The following DYM variants were observed in gnomAD, a reference collection of about 807,000 sequenced individuals.
DYM encodes dymeclin, also known as dyggve-Melchior-Clausen syndrome protein.
In DYM, 78 loss-of-function variants were observed where a neutral mutation model predicts 93.1. That is an observed-to-expected ratio of 0.84 (90% confidence interval 0.70 to 1.01). DYM has a LOEUF of 1.01. Ranked by LOEUF, DYM falls within the 50% of genes least tolerant of loss-of-function variation. The pLI, the probability that DYM is intolerant of heterozygous loss-of-function variation, is 0.00. For missense variants in DYM, 789 were observed against 845.0 expected, an observed-to-expected ratio of 0.93 and a Z score of 0.82; for synonymous variants, 321 against 319.7, an observed-to-expected ratio of 1.00 and a Z score of -0.04.
chr18:49,094,137 T>C (rs2079335611), intron 17 of DYM, among the ~76,000 whole-genome samples: 1 of 152,180 alleles, frequency 6.6e-6, no homozygotes, highest in African/African-American at 2.4e-5. Context: ...CTAAATACAG[T>C]AAAATTCTTA....
At chr18:49,214,278 C>CT in intron 13 of DYM, among the ~76,000 whole-genome samples, 1 of 152,220 alleles carries the variant, frequency 6.6e-6, no homozygotes, top group East Asian at 1.9e-4. Flanking sequence ...ACCACCTGAG[C>CT]TCCGCCTCCT....
In DYM at chr18:49,246,092, T is replaced by C. The variant is rs140027837; in HGVS notation, c.1460+10918A>G. ...TTGTAAAGGAGGAAACTGAAGGACA[T>C]TGAACAAATGAACAAATTGTAAATG... On this transcript the variant is annotated intron_variant, in intron 13 of 17. Transcript: ENST00000675505. Among the ~76,000 whole-genome samples, 40 of 152,342 alleles carry C rather than the reference T, an allele frequency of 2.6e-4. 1 individual carries two copies. In the East Asian group the frequency reaches 3.3e-3, roughly 12 times the overall value.
At chr18:49,052,550 A>G (rs1027236360) in intron 17 of DYM, among the ~76,000 whole-genome samples, 1 of 152,246 alleles carries the variant, frequency 6.6e-6, no homozygotes, top group African/African-American at 2.4e-5. Context: ...CCCTTTGTAG[A>G]GAACAATGAT....
chr18:49,054,977 T>C (rs76914967), intron 17 of DYM, among the ~76,000 whole-genome samples: 3 of 152,320 alleles, frequency 2.0e-5, no homozygotes, highest in South Asian at 4.1e-4. Context: ...TGAGCAAATG[T>C]CCCTGGTAGG....
At chr18:49,360,670 T>C (rs1028995568) in intron 6 of DYM, among the ~76,000 whole-genome samples, 9 of 151,376 alleles carry the variant, frequency 5.9e-5, no homozygotes, top group African/African-American at 2.2e-4. Flanking sequence ...TAAAATTACA[T>C]CAGGAACACA....
intron 8 of DYM, among the ~76,000 whole-genome samples, chr18:49,317,577 CTCTCTCTCTCTCTCTCTCT>C (rs2062037800): frequency 1.7e-4 from 2 of 11,726 alleles, no homozygotes; most frequent in African/African-American, 6.7e-4. Context: ...CTCTCTCTCT[CTCTCTCTCTCTCTCTCTCT>C]CCCCCCTCCC....
intron 2 of DYM, among the ~76,000 whole-genome samples, chr18:49,398,052 T>C (rs972288141): frequency 6.6e-6 from 1 of 152,208 alleles, no homozygotes; most frequent in Non-Finnish European, 1.5e-5. Context: ...TTACTAACTA[T>C]AGTGAATATC....
intron 17 of DYM, among the ~76,000 whole-genome samples, chr18:49,051,046 A>G (rs1027768105): frequency 2.0e-5 from 3 of 152,250 alleles, no homozygotes; most frequent in African/African-American, 7.2e-5. Flanking sequence ...AAAAGAGGCC[A>G]CAGCAGTGAG....
At chr18:49,449,340 T>C (rs779276174) in intron 1 of DYM, among the ~76,000 whole-genome samples, 9 of 152,124 alleles carry the variant, frequency 5.9e-5, no homozygotes, top group Non-Finnish European at 1.2e-4. Context: ...TTTCCTATAG[T>C]AGGCCTAAAA....
intron 17 of DYM, among the ~76,000 whole-genome samples, chr18:49,094,053 T>C (rs920493941): frequency 3.3e-5 from 5 of 152,332 alleles, no homozygotes; most frequent in Non-Finnish European, 5.9e-5. Context: ...TATTCCACAC[T>C]TTCTTATTTA....
intron 15 of DYM, among the ~76,000 whole-genome samples, chr18:49,136,813 G>A (rs2083901275): frequency 2.0e-5 from 3 of 152,100 alleles, no homozygotes; most frequent in Admixed American, 2.0e-4. Context: ...TGGCAAGAAG[G>A]AATGTGATCC....
chr18:49,328,206 T>G (rs1391453272), intron 8 of DYM, among the ~76,000 whole-genome samples: 1 of 152,192 alleles, frequency 6.6e-6, no homozygotes, highest in African/African-American at 2.4e-5. Context: ...CTCATTTTAT[T>G]GTATGTGGAG....
In DYM at chr18:49,292,295, CACAG is replaced by C. The variant is rs1228604838; in HGVS notation, c.764-5683_764-5680del. ...CTCCATCTTTCCCTGAATCCACCAACACAGACAGACAGACAGACAGGCAGGCAGG... is the reference window on the plus strand; with the variant it reads ...CTCCATCTTTCCCTGAATCCACCAACACAGACAGACAGACAGGCAGGCAGG... On this transcript the variant is annotated intron_variant, in intron 8 of 17. Transcript: ENST00000675505. Among the ~76,000 whole-genome samples the C allele has an allele frequency of 2.9e-3, 392 of 136,242 alleles. 6 individuals carry two copies. Among genetic ancestry groups the C allele is most frequent in the South Asian group, 0.017 (68 of 3,892 alleles). 89.4% of individuals were successfully genotyped at this position (136,242 alleles called of 152,430 possible). A position where few individuals can be genotyped will look rare whatever the true frequency, so the allele number is the denominator to read the frequency against.
intron 15 of DYM, among the ~76,000 whole-genome samples, chr18:49,157,583 G>A (rs929414178): frequency 1.3e-5 from 2 of 152,068 alleles, no homozygotes; most frequent in Non-Finnish European, 1.5e-5. Flanking sequence ...CACAGAACCA[G>A]TTCACAAAAT....
At chr18:49,111,731 C>A (rs1303172426) in intron 16 of DYM, among the ~76,000 whole-genome samples, 1 of 152,164 alleles carries the variant, frequency 6.6e-6, no homozygotes, top group African/African-American at 2.4e-5. Flanking sequence ...GGTGTGTATC[C>A]ATGCCCTTGA....
rs56665546 is a variant in DYM, at chr18:49,221,986, T to TAA, written c.1461-12273_1461-12272dup. Among the ~76,000 whole-genome samples the TAA allele has an allele frequency of 3.0e-3, 454 of 150,180 alleles. 4 individuals carry two copies. Among genetic ancestry groups the TAA allele is most frequent in the African/African-American group, 0.01 (427 of 40,766 alleles). ...TTTGGATAAAAGTACTGTTATTTTA[T>TAA]AAAAAAAAAAGAAAGAAAAAAGAAA... On this transcript the variant is annotated intron_variant, in intron 13 of 17. Coordinates refer to ENST00000675505, the MANE Select transcript of DYM (RefSeq NM_001353214.3).
At chr18:49,061,406 G>A (rs1319948873) in intron 17 of DYM, among the ~76,000 whole-genome samples, 1 of 152,190 alleles carries the variant, frequency 6.6e-6, no homozygotes, top group Non-Finnish European at 1.5e-5. Context: ...GGACCAGCCG[G>A]TGTGTTTGAG....
rs1001116542 is a variant in DYM at position 49,039,245 on chromosome 18, A to G, written c.*4810T>C. ...AAAAGGCAGTATTTCACTGTCTTCC[A>G]TTGTTTCTGCTGAGAAGGAGCTGTC... On this transcript the variant is annotated 3_prime_UTR_variant, in exon 18 of 18. Coordinates refer to ENST00000675505, the MANE Select transcript of DYM (RefSeq NM_001353214.3). 6.6e-6 allele frequency among the ~76,000 whole-genome samples: 1 copy of G among 152,086 alleles called. No individual in the cohort carries two copies. The highest frequency in any genetic ancestry group is 2.4e-5 in the African/African-American group (1 of 41,398).
Position 49,282,147 on chromosome 18 carries a change from T to C in DYM, c.975A>G (p.Pro325=). Residue 325 remains proline, a synonymous_variant, in exon 10 of 18, where the codon CCA becomes CCG. Transcript: ENST00000675505. ...TATTAAAGTTGATCTGGAAGGCATG[T>C]GGAATTGATGAGGGGAAAGGACTGC... ...QDSSPFPSSI[P]HAFQINFNSL... The C allele has an allele frequency of 6.2e-7, 1 of 1,613,942 alleles. No homozygotes were observed. The highest frequency in any genetic ancestry group is 8.5e-7 in the Non-Finnish European group (1 of 1,179,934).
Sources: allele counts gnomAD v4.1 joint callset (sites outside exome capture counted in the v4.1 genomes callset), GRCh38; gene constraint gnomAD v4.1.1; transcripts MANE v1.5; gene names NCBI Gene and HGNC (gene_info 2026-07-23, HGNC 2026-07-21).